The following VIPR1 variants were observed in gnomAD, a reference collection of about 807,000 sequenced individuals.
VIPR1 encodes the protein vasoactive intestinal peptide receptor 1.
VIPR1 carries 59 observed loss-of-function variants against 58.8 expected under a neutral mutation model. That is an observed-to-expected ratio of 1.00 (90% confidence interval 0.81 to 1.25). The LOEUF (loss-of-function observed/expected upper bound fraction) is 1.25. VIPR1 is among the 50% of genes most tolerant of loss of function. The pLI is 0.00. For missense variants in VIPR1, 626 were observed against 602.7 expected, an observed-to-expected ratio of 1.04 and a Z score of -0.40; for synonymous variants, 251 against 242.1, an observed-to-expected ratio of 1.04 and a Z score of -0.34.
At chr3:42,534,637 A>G (rs938733158) in intron 10 of VIPR1, 1 of 182,920 alleles carries the variant, frequency 5.5e-6, no homozygotes, top group Non-Finnish European at 1.1e-5. Context: ...AACTCCCAAT[A>G]GTGGATTTCA....
chr3:42,515,364 G>A (rs1423321369), intron 2 of VIPR1, among the ~76,000 whole-genome samples: 1 of 152,146 alleles, frequency 6.6e-6, no homozygotes, highest in Non-Finnish European at 1.5e-5. Flanking sequence ...ATGGGTCACG[G>A]GGTGGCTGGG....
At chr3:42,521,617 T>C (rs899388005) in intron 3 of VIPR1, 6 of 152,098 alleles carry the variant, frequency 3.9e-5, no homozygotes, top group African/African-American at 1.2e-4. Context: ...TTATAGAAGA[T>C]AAAAATTGTG....
chr3:42,532,306 TCAGGAAGAGTGACAG>T lies in VIPR1; in HGVS notation c.987_1001del (p.Arg329_Ser333del). The T allele has an allele frequency of 6.2e-7, 1 of 1,614,100 alleles. No individual in the cohort carries two copies. Among genetic ancestry groups the T allele is most frequent in the Admixed American group, 1.7e-5 (1 of 60,018 alleles). On this transcript the variant is annotated inframe_deletion, in exon 10 of 13. Transcript: ENST00000325123. ...CTTCAGAAACTGCGGCCCCCAGATATCAGGAAGAGTGACAGCAGTCCATACTCGTGAGTGTGGGCC... is the reference window on the plus strand; with the variant it reads ...CTTCAGAAACTGCGGCCCCCAGATATCAGTCCATACTCGTGAGTGTGGGCC...
intron 3 of VIPR1, among the ~76,000 whole-genome samples, chr3:42,522,936 C>T (rs1253614581): frequency 3.9e-5 from 6 of 152,194 alleles, no homozygotes; most frequent in Non-Finnish European, 8.8e-5. Flanking sequence ...CCTTGCCACC[C>T]TTCTGGTCGT....
At chr3:42,522,616 C>A (rs1393175773) in intron 3 of VIPR1, among the ~76,000 whole-genome samples, 1 of 152,066 alleles carries the variant, frequency 6.6e-6, no homozygotes. Context: ...GGATGGGACA[C>A]CACGGCAGGG....
At chr3:42,491,562 TTTTG>T (rs538150752) in intron 1 of VIPR1, among the ~76,000 whole-genome samples, 11 of 148,012 alleles carry the variant, frequency 7.4e-5, no homozygotes, top group African/African-American at 2.2e-4. Context: ...TTTCTTTATT[TTTTG>T]TTTGTTTGTT....
intron 6 of VIPR1, 180 bp downstream of exon 6, chr3:42,528,303 C>T: frequency 1.2e-6 from 1 of 808,174 alleles, no homozygotes; most frequent in East Asian, 2.8e-5. Flanking sequence ...AAATCACACT[C>T]CCCTCCGGCA....
At chr3:42,489,542 A>T (rs922673776) in exon 1 of VIPR1, 1 of 152,336 alleles carries the variant, frequency 6.6e-6, no homozygotes, top group Non-Finnish European at 1.5e-5. Flanking sequence ...GCACTGGATG[A>T]TGGATGAACT....
chr3:42,525,915 C>G lies in VIPR1; in HGVS notation c.321C>G (p.Asp107Glu), dbSNP rs769082854. The G allele has an allele frequency of 1.9e-6, 3 of 1,613,308 alleles. No individual in the cohort carries two copies. Among genetic ancestry groups the G allele is most frequent in the Non-Finnish European group, 2.5e-6 (3 of 1,179,732 alleles). ...GCAATGTAAGCCGCAGCTGCACCGA[C>G]GAAGGCTGGACGCACCTGGAGCCTG... Reference protein sequence around the residue: ...QGRNVSRSCTDEGWTHLEPGP... With the variant: ...QGRNVSRSCTEEGWTHLEPGP... The change falls in exon 4 of 13, where the codon GAC (aspartate) becomes GAG (glutamate). Residue 107 changes from aspartate to glutamate, a missense_variant. Transcript: ENST00000325123.
At chr3:42,525,865 C>T in intron 3 of VIPR1, 22 bp from the exon 4 acceptor site, 1 of 1,588,444 alleles carries the variant, frequency 6.3e-7, no homozygotes, top group African/African-American at 1.3e-5. Flanking sequence ...AGCCTTTGTC[C>T]TTGCCCCTGC....
intron 4 of VIPR1, 106 bp downstream of exon 4, chr3:42,526,099 G>A: frequency 9.1e-7 from 1 of 1,099,910 alleles, no homozygotes; most frequent in East Asian, 2.6e-5. Context: ...GTGGGAACAG[G>A]ACTCCTGGAG....
chr3:42,530,744 C>T, intron 6 of VIPR1, 35 bp from the exon 7 acceptor site: 1 of 1,609,114 alleles, frequency 6.2e-7, no homozygotes, highest in Non-Finnish European at 8.5e-7. Flanking sequence ...CCTTGACAGC[C>T]CCAGTGAACC....
intron 1 of VIPR1, among the ~76,000 whole-genome samples, chr3:42,493,931 G>A (rs1699710572): frequency 6.6e-6 from 1 of 152,202 alleles, no homozygotes; most frequent in African/African-American, 2.4e-5. Context: ...ACCAGCCAGG[G>A]TCCTCTCCTC....
At chr3:42,520,466 T>C (rs1009638079) in intron 3 of VIPR1, among the ~76,000 whole-genome samples, 4 of 152,140 alleles carry the variant, frequency 2.6e-5, no homozygotes, top group African/African-American at 9.7e-5. Flanking sequence ...CAGGAAATGA[T>C]GGCTTGAATT....
At chr3:42,492,737 T>A (rs1278628573) in intron 1 of VIPR1, among the ~76,000 whole-genome samples, 1 of 152,212 alleles carries the variant, frequency 6.6e-6, no homozygotes, top group African/African-American at 2.4e-5. Context: ...AGGGAAGGAC[T>A]TCCCTGGGAT....
At chr3:42,524,462 C>T (rs1464194906) in intron 3 of VIPR1, among the ~76,000 whole-genome samples, 1 of 152,218 alleles carries the variant, frequency 6.6e-6, no homozygotes. Context: ...CCATCCTGCC[C>T]TCCCTGGGCC....
chr3:42,513,737 C>A lies in VIPR1; in HGVS notation c.79-12C>A. The A allele has an allele frequency of 1.9e-6, 3 of 1,551,142 alleles. No individual in the cohort carries two copies. The highest frequency in any genetic ancestry group is 2.6e-6 in the Non-Finnish European group (3 of 1,146,750). On this transcript the variant is annotated splice_polypyrimidine_tract_variant and intron_variant, in intron 1 of 12. Coordinates refer to ENST00000325123, the MANE Select transcript of VIPR1 (RefSeq NM_004624.4). ...GACGAGGCTGATGGGCCCTCCCTGT[C>A]TTTGTTCTCAGGGCGGCCAGGCGGC...
At chr3:42,524,214 C>A (rs1285334035) in intron 3 of VIPR1, among the ~76,000 whole-genome samples, 2 of 152,194 alleles carry the variant, frequency 1.3e-5, no homozygotes, top group Non-Finnish European at 2.9e-5. Flanking sequence ...GCAGTTAGCT[C>A]CCTGGAACTG....
In VIPR1 at chr3:42,532,099, C is replaced by T. The variant is rs1176170508; in HGVS notation, c.919-143C>T. ...GGAGGTAGAGTTCCCGGATGACCTG[C>T]CCAAAGGGGAAATGCCAGAGGAGAG... On this transcript the variant is annotated intron_variant, in intron 9 of 12. Coordinates refer to ENST00000325123, the MANE Select transcript of VIPR1 (RefSeq NM_004624.4). 9.3e-6 allele frequency: 9 copies of T among 967,880 alleles called. No individual in the cohort carries two copies. In the South Asian group the frequency reaches 1.2e-4, roughly 13 times the overall value. The allele number at this position is 967,880 out of a possible 1,614,324, so 60.0% of individuals were successfully genotyped here.
Sources: gnomAD v4.1 joint callset for allele counts (sites outside exome capture counted in the v4.1 genomes callset) on GRCh38, gnomAD v4.1.1 for gene constraint, MANE v1.5 for transcripts, NCBI Gene and HGNC (gene_info 2026-07-23, HGNC 2026-07-21) for gene names.